Variants in STIM1 observed in about 807,000 individuals in gnomAD.
STIM1 encodes the protein stromal interaction molecule 1.
STIM1 carries 25 observed loss-of-function variants against 74.7 expected under a neutral mutation model. That is an observed-to-expected ratio of 0.33 (90% CI 0.24 to 0.47). STIM1 has a LOEUF of 0.47. Ranked by LOEUF, STIM1 falls within the 20% of genes least tolerant of loss-of-function variation. STIM1 has a pLI of 1.00. For synonymous variants in STIM1, 328 were observed against 348.8 expected (o/e 0.94, Z 0.66); for missense variants, 728 against 920.8 (o/e 0.79, Z 2.71).
intron 1 of STIM1, among the ~76,000 whole-genome samples, chr11:3,942,962 G>A (rs2093028824): frequency 6.6e-6 from 1 of 152,174 alleles, no homozygotes; most frequent in African/African-American, 2.4e-5. Context: ...TCTTTACAGA[G>A]TTAGATGGAC....
Position 4,074,443 on chromosome 11 carries a change from G to A in STIM1, c.792-59G>A. 12 of 1,596,208 alleles carry A rather than the reference G, an allele frequency of 7.5e-6. No individual in the cohort carries two copies. In the East Asian group the frequency reaches 1.1e-4, roughly 15 times the overall value. Reference sequence around the variant, plus strand: ...TTCCTCTTTGATGCCATGACTCATGGCATGTTGGCTGGCACCCCCTTGCCT... The same window carrying A: ...TTCCTCTTTGATGCCATGACTCATGACATGTTGGCTGGCACCCCCTTGCCT... On this transcript the variant is annotated intron_variant, in intron 6 of 12. Transcript: ENST00000526596.
chr11:3,960,969 A>C (rs1354157035), intron 1 of STIM1, among the ~76,000 whole-genome samples: 1 of 152,176 alleles, frequency 6.6e-6, no homozygotes, highest in African/African-American at 2.4e-5. Flanking sequence ...CCTGGAGAGC[A>C]GTAGCAGCCT....
intron 1 of STIM1, chr11:3,892,636 A>T: frequency 6.2e-7 from 1 of 1,608,004 alleles, no homozygotes; most frequent in South Asian, 1.1e-5. Flanking sequence ...AGTTCTCATC[A>T]TCAAATTTCT....
intron 1 of STIM1, among the ~76,000 whole-genome samples, chr11:3,868,430 G>A (rs2090951777): frequency 1.3e-5 from 2 of 152,184 alleles, no homozygotes; most frequent in Non-Finnish European, 2.9e-5. Flanking sequence ...GCGGAGCCAG[G>A]ATTTGAAATT....
At chr11:3,971,357 G>A (rs1236615830) in intron 2 of STIM1, among the ~76,000 whole-genome samples, 5 of 151,932 alleles carry the variant, frequency 3.3e-5, no homozygotes, top group East Asian at 1.9e-4. Context: ...GTGAAACCCC[G>A]TCTCTACTAA....
chr11:3,864,169 A>C (rs998586299), intron 1 of STIM1, among the ~76,000 whole-genome samples: 1 of 152,108 alleles, frequency 6.6e-6, no homozygotes, highest in African/African-American at 2.4e-5. Flanking sequence ...CTCCAGCTGT[A>C]CTCTCTTATT....
intron 2 of STIM1, among the ~76,000 whole-genome samples, chr11:3,993,726 G>C (rs2093636098): frequency 6.6e-6 from 1 of 152,094 alleles, no homozygotes; most frequent in Admixed American, 6.6e-5. Flanking sequence ...TGTTATCAAA[G>C]AGACCTTTCC....
In STIM1 at chr11:4,025,932, T is replaced by G. The variant is rs376913848; in HGVS notation, c.385+1945T>G. ...TGTAGTTCACAGCTGAGAAATGATATATATGTACCCTATTAGAATTTGCTC... is the reference window on the plus strand; with the variant it reads ...TGTAGTTCACAGCTGAGAAATGATAGATATGTACCCTATTAGAATTTGCTC... On this transcript the variant is annotated intron_variant, in intron 3 of 12. Transcript: ENST00000526596. Among the ~76,000 whole-genome samples, 11 of 152,324 alleles carry G rather than the reference T, an allele frequency of 7.2e-5. No individual in the cohort carries two copies. In the Middle Eastern group the frequency reaches 0.01, roughly 141 times the overall value.
At chr11:3,937,984 A>G (rs950255835) in intron 1 of STIM1, among the ~76,000 whole-genome samples, 1 of 148,798 alleles carries the variant, frequency 6.7e-6, no homozygotes, top group African/African-American at 2.5e-5. Context: ...CCCAGGCTGC[A>G]ATGTAGTGGG....
At position 4,023,979 on chromosome 11, in the gene STIM1, C is replaced by T. The variant is rs2093978779; in HGVS notation, c.377C>T (p.Ser126Leu). The change falls in exon 3 of 13, where the codon TCA (serine) becomes TTA (leucine). Residue 126 changes from serine to leucine, a missense_variant. Around this residue, in one of 5 missense-constraint regions of STIM1, gnomAD observed 51 missense variants for 101.1 expected, o/e 0.50. Coordinates refer to ENST00000526596, the MANE Select transcript of STIM1 (RefSeq NM_001382567.1). ...SVEDLWKAWK[S>L]SEVYNWTVDE... ...GAGGACCTGTGGAAGGCATGGAAGT[C>T]ATCAGAAGGTAATAGGCAGCCTGGT... 6.2e-7 allele frequency: 1 copy of T among 1,613,524 alleles called. No individual in the cohort carries two copies. The highest frequency in any genetic ancestry group is 8.5e-7 in the Non-Finnish European group (1 of 1,179,678).
chr11:4,039,628 A>AT (rs1009138872), intron 3 of STIM1, among the ~76,000 whole-genome samples: 110 of 147,198 alleles, frequency 7.5e-4, no homozygotes, highest in African/African-American at 2.5e-3. Flanking sequence ...AATGTCAGTG[A>AT]TTTTTTTTTC....
chr11:3,895,669 TCTTTCCTTCC>T (rs2092069072), intron 1 of STIM1, among the ~76,000 whole-genome samples: 1 of 39,824 alleles, frequency 2.5e-5, no homozygotes, highest in African/African-American at 1.5e-4. Flanking sequence ...TTTCTTTCTT[TCTTTCCTTCC>T]TTCCTTCTTT....
At chr11:3,878,572 G>T (rs1216424276) in intron 1 of STIM1, among the ~76,000 whole-genome samples, 1 of 152,168 alleles carries the variant, frequency 6.6e-6, no homozygotes, top group African/African-American at 2.4e-5. Context: ...GGCAGTGTCA[G>T]TGCAGGGATT....
At chr11:3,955,032 A>G (rs750701999) in intron 1 of STIM1, among the ~76,000 whole-genome samples, 8 of 152,268 alleles carry the variant, frequency 5.3e-5, no homozygotes, top group Admixed American at 2.6e-4. Flanking sequence ...TCAATGGAAT[A>G]CTACTCAGCA....
chr11:3,886,173 A>G (rs545194649), intron 1 of STIM1, among the ~76,000 whole-genome samples: 1 of 152,356 alleles, frequency 6.6e-6, no homozygotes, highest in African/African-American at 2.4e-5. Flanking sequence ...TATAGGTGCT[A>G]AACCATTTGG....
chr11:4,037,822 A>G (rs1314223772), intron 3 of STIM1, among the ~76,000 whole-genome samples: 1 of 152,174 alleles, frequency 6.6e-6, no homozygotes, highest in African/African-American at 2.4e-5. Context: ...GATTATTAAT[A>G]TAAGATAATT....
intron 4 of STIM1, among the ~76,000 whole-genome samples, chr11:4,058,463 A>C (rs183793860): frequency 1.3e-5 from 2 of 152,356 alleles, no homozygotes; most frequent in Non-Finnish European, 2.9e-5. Context: ...GCTATGCATC[A>C]GAAAAGAGCA....
intron 1 of STIM1, among the ~76,000 whole-genome samples, chr11:3,923,453 A>G (rs898099711): frequency 1.3e-5 from 2 of 151,938 alleles, no homozygotes; most frequent in Non-Finnish European, 2.9e-5. Flanking sequence ...TACTAAAAAT[A>G]CAAAAATCAT....
At chr11:4,060,949 A>G (rs1367866838) in intron 5 of STIM1, among the ~76,000 whole-genome samples, 1 of 152,198 alleles carries the variant, frequency 6.6e-6, no homozygotes, top group Non-Finnish European at 1.5e-5. Flanking sequence ...AACTCTCCCT[A>G]TGTTAACAGC....
Sources: gnomAD v4.1 joint callset for allele counts (sites outside exome capture counted in the v4.1 genomes callset) on GRCh38, gnomAD v4.1.1 for gene constraint, gnomAD v4.1.1 regional missense constraint, MANE v1.5 for transcripts, NCBI Gene and HGNC (gene_info 2026-07-23, HGNC 2026-07-21) for gene names.